Variants in WWOX observed in about 807,000 individuals in gnomAD.
WWOX encodes WW domain containing oxidoreductase, also known as WW domain-containing oxidoreductase.
WWOX carries 69 observed loss-of-function variants against 46.2 expected under a neutral mutation model. That is an observed-to-expected ratio of 1.49 (90% CI 1.23 to 1.82). The LOEUF is 1.82. Ranked by LOEUF, WWOX falls within the 40% of genes most tolerant of loss-of-function variation. The pLI is 0.00. For missense variants in WWOX, 919 were observed against 542.6 expected, an observed-to-expected ratio of 1.69 and a Z score of -6.89; for synonymous variants, 359 against 202.6, an observed-to-expected ratio of 1.77 and a Z score of -6.56.
chr16:78,473,898 G>A lies in WWOX; in HGVS notation c.1056+41146G>A, dbSNP rs1002539440. Among the ~76,000 whole-genome samples the A allele has an allele frequency of 3.6e-4, 55 of 152,142 alleles. 1 individual carries two copies. Among genetic ancestry groups the A allele is most frequent in the African/African-American group, 1.3e-3 (52 of 41,424 alleles). On this transcript the variant is annotated intron_variant, in intron 8 of 8. Coordinates refer to ENST00000566780, the MANE Select transcript of WWOX (RefSeq NM_016373.4). Reference sequence around the variant, plus strand: ...GCCATTCTTCTTCGCCGTTGTTACCGTATTAATTTAGGGATGATGAGAAAG... The same window carrying A: ...GCCATTCTTCTTCGCCGTTGTTACCATATTAATTTAGGGATGATGAGAAAG...
At chr16:78,399,092 A>AGG (rs1013212928) in intron 6 of WWOX, among the ~76,000 whole-genome samples, 1 of 150,518 alleles carries the variant, frequency 6.6e-6, no homozygotes, top group East Asian at 2.0e-4. Flanking sequence ...GATGGATGGA[A>AGG]GGGGTGGAAG....
At chr16:78,192,597 G>A (rs1159323072) in intron 5 of WWOX, among the ~76,000 whole-genome samples, 1 of 152,026 alleles carries the variant, frequency 6.6e-6, no homozygotes, top group Non-Finnish European at 1.5e-5. Context: ...ATAGTGTCTG[G>A]CATACAATAA....
chr16:78,904,830 T>C (rs1249265874), intron 8 of WWOX, among the ~76,000 whole-genome samples: 3 of 152,214 alleles, frequency 2.0e-5, no homozygotes, highest in Admixed American at 6.5e-5. Context: ...TGAATATTTC[T>C]TAATTAAGTG....
intron 8 of WWOX, among the ~76,000 whole-genome samples, chr16:78,792,087 G>T (rs2550598): frequency 0.87 from 132,463 of 152,144 alleles, 58,814 homozygotes; most frequent in Non-Finnish European, 0.96. Context: ...GGAGCAGGAC[G>T]GTTGCCTGTA....
At chr16:78,665,499 A>G (rs2047309508) in intron 8 of WWOX, among the ~76,000 whole-genome samples, 1 of 152,092 alleles carries the variant, frequency 6.6e-6, no homozygotes, top group African/African-American at 2.4e-5. Context: ...TCTGGGGGCA[A>G]GAGACGTGTG....
chr16:78,489,153 G>A (rs1313877430), intron 8 of WWOX, among the ~76,000 whole-genome samples: 1 of 152,144 alleles, frequency 6.6e-6, no homozygotes, highest in African/African-American at 2.4e-5. Context: ...TTTTTTATAG[G>A]AGTCATTAAT....
chr16:78,245,620 G>C (rs1164113844), intron 5 of WWOX, among the ~76,000 whole-genome samples: 1 of 152,184 alleles, frequency 6.6e-6, no homozygotes, highest in Non-Finnish European at 1.5e-5. Flanking sequence ...AAAGTCGAGT[G>C]AATTTTCTGC....
Position 78,863,677 on chromosome 16 carries a change from C to T in WWOX, c.1057-347931C>T, listed in dbSNP as rs144819107. ...CTGGAGCCCAGCATAGTGCCTCGCA[C>T]ACAGCAAGTGCTCAGTGGGTATCTG... On this transcript the variant is annotated intron_variant, in intron 8 of 8. Coordinates refer to ENST00000566780, the MANE Select transcript of WWOX (RefSeq NM_016373.4). 2.3e-4 allele frequency among the ~76,000 whole-genome samples: 35 copies of T among 152,288 alleles called. No individual in the cohort carries two copies. The East Asian group carries it at 6.8e-3, about 29-fold the overall frequency.
At chr16:78,180,567 C>T (rs542548860) in intron 5 of WWOX, among the ~76,000 whole-genome samples, 8 of 151,918 alleles carry the variant, frequency 5.3e-5, no homozygotes, top group African/African-American at 1.9e-4. Flanking sequence ...CCCAGCTGCA[C>T]CTGAGAGTAG....
chr16:78,805,652 AATCACTGT>A (rs2051015492), intron 8 of WWOX, among the ~76,000 whole-genome samples: 1 of 152,198 alleles, frequency 6.6e-6, no homozygotes, highest in East Asian at 1.9e-4. Context: ...TTTTTAGATT[AATCACTGT>A]TAAGACTTAA....
At chr16:78,273,034 G>C (rs900845291) in intron 5 of WWOX, among the ~76,000 whole-genome samples, 1 of 152,100 alleles carries the variant, frequency 6.6e-6, no homozygotes, top group Non-Finnish European at 1.5e-5. Flanking sequence ...GTTTCTTCTT[G>C]ATAATCTCTT....
chr16:78,720,230 G>A (rs757255919), intron 8 of WWOX, among the ~76,000 whole-genome samples: 3 of 152,030 alleles, frequency 2.0e-5, no homozygotes, highest in Non-Finnish European at 2.9e-5. Context: ...ACTGTGATTC[G>A]TCTGATAGAC....
At chr16:78,290,661 T>G (rs1411491977) in intron 5 of WWOX, among the ~76,000 whole-genome samples, 1 of 152,026 alleles carries the variant, frequency 6.6e-6, no homozygotes, top group African/African-American at 2.4e-5. Context: ...TCCATTCCGT[T>G]AAATGGAGAA....
chr16:78,994,087 C>T (rs147408342), intron 8 of WWOX, among the ~76,000 whole-genome samples: 13 of 152,268 alleles, frequency 8.5e-5, no homozygotes, highest in Admixed American at 2.6e-4. Context: ...GATTCATTTG[C>T]TTATTATGAT....
At chr16:78,559,514 G>C (rs2044383732) in intron 8 of WWOX, among the ~76,000 whole-genome samples, 1 of 152,184 alleles carries the variant, frequency 6.6e-6, no homozygotes, top group African/African-American at 2.4e-5. Flanking sequence ...TTCCTCCCAA[G>C]CATTGCCTGG....
At position 78,730,617 on chromosome 16, in the gene WWOX, A is replaced by ATTTTTTT. The variant is rs536906826; in HGVS notation, c.1056+297880_1056+297886dup. 4.9e-5 allele frequency among the ~76,000 whole-genome samples: 6 copies of ATTTTTTT among 123,062 alleles called. 1 individual carries two copies. The highest frequency in any genetic ancestry group is 5.9e-4 in the South Asian group (2 of 3,402). 80.7% of individuals were successfully genotyped at this position (123,062 alleles called of 152,430 possible). ...CAGGTGCATGCCACCACGCCCGGCA[A>ATTTTTTT]TTTTTTTTTTTTTTTTTTTTTAAGT... On this transcript the variant is annotated intron_variant, in intron 8 of 8. Coordinates refer to ENST00000566780, the MANE Select transcript of WWOX (RefSeq NM_016373.4).
chr16:78,562,666 A>G (rs1822460306), intron 8 of WWOX, among the ~76,000 whole-genome samples: 1 of 152,146 alleles, frequency 6.6e-6, no homozygotes, highest in South Asian at 2.1e-4. Flanking sequence ...CTCGGTCAAT[A>G]CTTGCCTTCC....
intron 8 of WWOX, among the ~76,000 whole-genome samples, chr16:78,836,220 C>G (rs936250390): frequency 6.6e-6 from 1 of 151,884 alleles, no homozygotes; most frequent in African/African-American, 2.4e-5. Flanking sequence ...TTTGCACAGA[C>G]TAATAGCACA....
At chr16:79,111,401 T>A (rs2049413785) in intron 8 of WWOX, among the ~76,000 whole-genome samples, 1 of 152,244 alleles carries the variant, frequency 6.6e-6, no homozygotes, top group Non-Finnish European at 1.5e-5. Context: ...TCTGGGGTCT[T>A]TTGCCTAATC....
Sources: gnomAD v4.1 joint callset for allele counts (sites outside exome capture counted in the v4.1 genomes callset) on GRCh38, gnomAD v4.1.1 for gene constraint, MANE v1.5 for transcripts, NCBI Gene and HGNC (gene_info 2026-07-23, HGNC 2026-07-21) for gene names.